The following VTA1 variants were observed in gnomAD, a reference collection of about 807,000 sequenced individuals.
The protein encoded by VTA1 is vesicle trafficking 1.
VTA1 carries 24 observed loss-of-function variants against 36.9 expected under a neutral mutation model. That is an observed-to-expected ratio of 0.65 (90% confidence interval 0.47 to 0.91). The LOEUF (loss-of-function observed/expected upper bound fraction) is 0.91. Ranked by LOEUF, VTA1 falls within the 40% of genes least tolerant of loss-of-function variation. The pLI is 0.00. For missense variants in VTA1, 393 were observed against 377.2 expected (o/e 1.04, Z -0.35); for synonymous variants, 142 against 130.2 (o/e 1.09, Z -0.62).
chr6:142,202,928 C>T (rs969923163), intron 6 of VTA1, among the ~76,000 whole-genome samples: 1 of 151,816 alleles, frequency 6.6e-6, no homozygotes, highest in Non-Finnish European at 1.5e-5. Flanking sequence ...GGTATAAATA[C>T]AGAGCGAGTT....
rs1776044911 is a variant in VTA1, at chr6:142,218,555, C to T, written c.836C>T (p.Ala279Val). ...FARAQKYCKY[A>V]GSALQYEDVS... ...AGAGCTCAGAAGTACTGCAAATATGCTGGCAGTGCTTTGCAGTATGAAGAT... is the reference window on the plus strand; with the variant it reads ...AGAGCTCAGAAGTACTGCAAATATGTTGGCAGTGCTTTGCAGTATGAAGAT... Residue 279 changes from alanine to valine, a missense_variant, in exon 8 of 8, where the codon GCT becomes GTT. Transcript: ENST00000367630. 1.2e-6 allele frequency: 2 copies of T among 1,613,528 alleles called. No individual in the cohort carries two copies. The highest frequency in any genetic ancestry group is 1.7e-6 in the Non-Finnish European group (2 of 1,179,748).
Position 142,220,572 on chromosome 6 carries a change from T to G in VTA1, c.*1929T>G, listed in dbSNP as rs1404031407. 3.9e-5 allele frequency: 6 copies of G among 152,166 alleles called. No individual in the cohort carries two copies. Among genetic ancestry groups the G allele is most frequent in the Non-Finnish European group, 8.8e-5 (6 of 68,022 alleles). 9.4% of individuals were successfully genotyped at this position (152,166 alleles called of 1,614,324 possible). ...GCGCATGGTAGCATTTCATAAATGTTTAGTGTCAATACTAATGCTCTAATA... is the reference window on the plus strand; with the variant it reads ...GCGCATGGTAGCATTTCATAAATGTGTAGTGTCAATACTAATGCTCTAATA... On this transcript the variant is annotated 3_prime_UTR_variant, in exon 8 of 8. Transcript: ENST00000367630.
Position 142,222,709 on chromosome 6 carries a change from CTA to C in VTA1, c.*4068_*4069del, listed in dbSNP as rs754636773. 7.9e-4 allele frequency: 43 copies of C among 54,772 alleles called. No homozygotes were observed. Among genetic ancestry groups the C allele is most frequent in the Non-Finnish European group, 1.3e-3 (24 of 18,148 alleles). The allele number at this position is 54,772 out of a possible 1,614,324, so 3.4% of individuals were successfully genotyped here. On this transcript the variant is annotated 3_prime_UTR_variant, in exon 8 of 8. Coordinates refer to ENST00000367630, the MANE Select transcript of VTA1 (RefSeq NM_016485.5). ...CCTGGTTGGTTGTAATCTTTGAAGTCTATGTGGAATTCTAAGACTGCAGGCTT... is the reference window on the plus strand; with the variant it reads ...CCTGGTTGGTTGTAATCTTTGAAGTCTGTGGAATTCTAAGACTGCAGGCTT...
At chr6:142,179,970 G>A (rs1775196309) in intron 4 of VTA1, among the ~76,000 whole-genome samples, 1 of 152,122 alleles carries the variant, frequency 6.6e-6, no homozygotes, top group Non-Finnish European at 1.5e-5. Context: ...GTGTTGTGCT[G>A]TTAGGTTGGA....
chr6:142,195,754 A>G (rs867619149), intron 5 of VTA1, among the ~76,000 whole-genome samples: 14 of 151,888 alleles, frequency 9.2e-5, no homozygotes, highest in Admixed American at 3.3e-4. Context: ...TCAGTTCACC[A>G]TAATTATAGT....
intron 7 of VTA1, among the ~76,000 whole-genome samples, chr6:142,205,854 A>T (rs1054012232): frequency 6.6e-6 from 1 of 152,176 alleles, no homozygotes; most frequent in Non-Finnish European, 1.5e-5. Context: ...AAGAAATCTC[A>T]GTTTGGAAGC....
At chr6:142,218,099 G>C (rs1052484697) in intron 7 of VTA1, among the ~76,000 whole-genome samples, 7 of 151,914 alleles carry the variant, frequency 4.6e-5, no homozygotes, top group African/African-American at 1.7e-4. Flanking sequence ...CATAAAGTTT[G>C]TTATTCACTT....
intron 4 of VTA1, among the ~76,000 whole-genome samples, chr6:142,175,817 A>C (rs1775111692): frequency 6.6e-6 from 1 of 151,874 alleles, no homozygotes; most frequent in Non-Finnish European, 1.5e-5. Flanking sequence ...CACTTGTATA[A>C]AACTAAAGTC....
At chr6:142,163,224 A>C (rs1774843535) in intron 1 of VTA1, among the ~76,000 whole-genome samples, 1 of 152,064 alleles carries the variant, frequency 6.6e-6, no homozygotes, top group Non-Finnish European at 1.5e-5. Flanking sequence ...ACCAGCCAGC[A>C]CACTTCCAAG....
intron 2 of VTA1, among the ~76,000 whole-genome samples, chr6:142,167,330 CTT>C (rs774198746): frequency 4.6e-5 from 7 of 152,282 alleles, no homozygotes; most frequent in Non-Finnish European, 1.0e-4. Flanking sequence ...CCTGGTTTCT[CTT>C]TTAACAAAGT....
intron 2 of VTA1, among the ~76,000 whole-genome samples, chr6:142,168,291 G>A (rs1034333690): frequency 9.9e-5 from 15 of 150,818 alleles, no homozygotes; most frequent in Non-Finnish European, 2.2e-4. Context: ...TTCTGTTCTT[G>A]TTCAGGATAA....
At chr6:142,189,178 T>C (rs1775403766) in intron 4 of VTA1, among the ~76,000 whole-genome samples, 1 of 152,206 alleles carries the variant, frequency 6.6e-6, no homozygotes, top group Admixed American at 6.5e-5. Context: ...TTGCATATCC[T>C]TTCTGAAATG....
chr6:142,152,841 G>A (rs1027994648), intron 1 of VTA1, among the ~76,000 whole-genome samples: 3 of 151,700 alleles, frequency 2.0e-5, no homozygotes, highest in Non-Finnish European at 4.4e-5. Context: ...TTTTTTTTGT[G>A]AGAAAAAAAT....
chr6:142,172,120 C>G (rs1342851296), intron 4 of VTA1, among the ~76,000 whole-genome samples: 1 of 152,130 alleles, frequency 6.6e-6, no homozygotes, highest in African/African-American at 2.4e-5. Context: ...AAGTGATTCC[C>G]CTGCCTCAGC....
chr6:142,216,449 TGAAAA>T (rs1776006009), intron 7 of VTA1, among the ~76,000 whole-genome samples: 1 of 152,178 alleles, frequency 6.6e-6, no homozygotes, highest in Non-Finnish European at 1.5e-5. Flanking sequence ...TTTTCATTGT[TGAAAA>T]TAAATATCTC....
At chr6:142,170,565 A>G in intron 4 of VTA1, 144 bp downstream of exon 4, 1 of 516,024 alleles carries the variant, frequency 1.9e-6, no homozygotes, top group Non-Finnish European at 3.3e-6. Flanking sequence ...ATTTTTTATT[A>G]GCCATTTTTA....
At chr6:142,176,870 C>T (rs1326110009) in intron 4 of VTA1, among the ~76,000 whole-genome samples, 2 of 152,042 alleles carry the variant, frequency 1.3e-5, no homozygotes, top group Admixed American at 1.3e-4. Flanking sequence ...TGTTATGGTC[C>T]TCCTGGCTTG....
rs563598083 is a variant in VTA1 at position 142,191,138 on chromosome 6, T to C, written c.520+1604T>C. Among the ~76,000 whole-genome samples the C allele has an allele frequency of 2.6e-5, 4 of 152,322 alleles. No individual in the cohort carries two copies. In the South Asian group the frequency reaches 8.3e-4, roughly 32 times the overall value. On this transcript the variant is annotated intron_variant, in intron 5 of 7. Coordinates refer to ENST00000367630, the MANE Select transcript of VTA1 (RefSeq NM_016485.5). ...AAAGATGGTCTACAGTTTTCCTTTT[T>C]GGTATCAATGTTATGATGTTATGCT...
At position 142,189,460 on chromosome 6, in the gene VTA1, C is replaced by T. The variant is rs764626878; in HGVS notation, c.446C>T (p.Ala149Val). 1 of 1,613,890 alleles carries T rather than the reference C, an allele frequency of 6.2e-7. No individual in the cohort carries two copies. The highest frequency in any genetic ancestry group is 8.5e-7 in the Non-Finnish European group (1 of 1,179,910). The stretch of plus-strand genomic sequence containing the variant: ...CACAGGAAGTATGCCAGATGGAAGG[C>T]AACATACATCCATAATTGTTTAAAG... ...VKHRKYARWK[A>V]TYIHNCLKNG... The change falls in exon 5 of 8, where the codon GCA (alanine) becomes GTA (valine). Residue 149 changes from alanine to valine, a missense_variant. Physicochemically the swap from Ala to Val is moderately conservative, Grantham distance 64. Coordinates refer to ENST00000367630, the MANE Select transcript of VTA1 (RefSeq NM_016485.5).
Sources: gnomAD v4.1 joint callset for allele counts (sites outside exome capture counted in the v4.1 genomes callset) on GRCh38, gnomAD v4.1.1 for gene constraint, MANE v1.5 for transcripts, NCBI Gene and HGNC (gene_info 2026-07-23, HGNC 2026-07-21) for gene names.